The following CNGB3 variants were observed in gnomAD, a reference collection of about 807,000 sequenced individuals.
CNGB3 encodes the protein cyclic nucleotide gated channel subunit beta 3.
Under a neutral mutation model 92.8 loss-of-function variants are expected in CNGB3, and 86 were observed. The observed-to-expected ratio is 0.93, with a 90% confidence interval of 0.78 to 1.11. The LOEUF is 1.11. Among genes scored for constraint, CNGB3 ranks in the 50% least tolerant of loss-of-function variants. The pLI, the probability that CNGB3 is intolerant of heterozygous loss-of-function variation, is 0.00. For synonymous variants in CNGB3, 333 were observed against 332.7 expected (o/e 1.00, Z -0.01); for missense variants, 1,026 against 956.8 (o/e 1.07, Z -0.95).
At chr8:86,646,865 C>A (rs949915259) in intron 8 of CNGB3, among the ~76,000 whole-genome samples, 1 of 151,040 alleles carries the variant, frequency 6.6e-6, no homozygotes. Context: ...TGTCTTATAA[C>A]CATTTTGAAT....
chr8:86,683,221 T>C (rs532511694), intron 3 of CNGB3, among the ~76,000 whole-genome samples: 1 of 152,250 alleles, frequency 6.6e-6, no homozygotes, highest in African/African-American at 2.4e-5. Context: ...GAGAGTGCAG[T>C]GCATATAGTT....
chr8:86,636,181 C>T (rs1470065754), intron 10 of CNGB3, among the ~76,000 whole-genome samples: 2 of 151,894 alleles, frequency 1.3e-5, no homozygotes, highest in African/African-American at 4.8e-5. Context: ...TTCTAGACAG[C>T]CAGAAACTTT....
At position 86,671,039 on chromosome 8, in the gene CNGB3, T is replaced by G. The variant is rs753603630; in HGVS notation, c.398A>C (p.His133Pro). 4.3e-6 allele frequency: 7 copies of G among 1,613,830 alleles called. No individual in the cohort carries two copies. Among genetic ancestry groups the G allele is most frequent in the African/African-American group, 1.3e-5 (1 of 74,870 alleles). ...TTGACGCATTCTTTTCACCAGGTTG[T>G]GTAGCTGGGCATCGGCATACTCATT... Reference protein sequence around the residue: ...VINEYADAQLHNLVKRMRQRT... With the variant: ...VINEYADAQLPNLVKRMRQRT... The change falls in exon 4 of 18, where the codon CAC becomes CCC. Residue 133 changes from histidine to proline, a missense_variant. Transcript: ENST00000320005.
At chr8:86,587,381 C>T (rs1585949793) in intron 15 of CNGB3, among the ~76,000 whole-genome samples, 1 of 152,036 alleles carries the variant, frequency 6.6e-6, no homozygotes, top group Admixed American at 6.5e-5. Flanking sequence ...GTTGCCATTG[C>T]TTTTGGTGTT....
intron 14 of CNGB3, 68 bp downstream of exon 14, chr8:86,611,520 C>T: frequency 1.5e-6 from 2 of 1,300,238 alleles, no homozygotes; most frequent in Non-Finnish European, 2.2e-6. Context: ...AAACAATGTT[C>T]TTGACTTATG....
At chr8:86,642,799 TC>T (rs1419639054) in intron 10 of CNGB3, among the ~76,000 whole-genome samples, 1 of 151,636 alleles carries the variant, frequency 6.6e-6, no homozygotes, top group Non-Finnish European at 1.5e-5. Flanking sequence ...TTTCAAGTGA[TC>T]TTTTTTTATT....
intron 14 of CNGB3, among the ~76,000 whole-genome samples, chr8:86,607,042 G>C (rs1822425574): frequency 6.6e-6 from 1 of 152,234 alleles, no homozygotes; most frequent in South Asian, 2.1e-4. Context: ...TTTGCGTGAA[G>C]TAATTCTCAA....
chr8:86,697,910 C>T (rs369374740), intron 3 of CNGB3, among the ~76,000 whole-genome samples: 11 of 151,948 alleles, frequency 7.2e-5, no homozygotes, highest in South Asian at 2.1e-4. Flanking sequence ...TCTGTCCTTG[C>T]GATAGTTTGC....
Position 86,621,321 on chromosome 8 carries a change from TATA to T in CNGB3, c.1578+4659_1578+4661del, listed in dbSNP as rs781635448. 4.6e-5 allele frequency among the ~76,000 whole-genome samples: 7 copies of T among 152,316 alleles called. 1 individual carries two copies. On this transcript the variant is annotated intron_variant, in intron 13 of 17. Transcript: ENST00000320005. Reference sequence around the variant, plus strand: ...ACTTTCATACATTTCTGACCATACCTATAATAAGACATACATTTTCATTGTGCT... The same window carrying T: ...ACTTTCATACATTTCTGACCATACCTATAAGACATACATTTTCATTGTGCT...
intron 3 of CNGB3, among the ~76,000 whole-genome samples, chr8:86,673,047 G>T (rs915900371): frequency 3.3e-5 from 5 of 152,116 alleles, no homozygotes; most frequent in African/African-American, 9.7e-5. Flanking sequence ...CTTCTTAAAG[G>T]TGTGCTTAGA....
chr8:86,669,525 C>T (rs991496006), intron 4 of CNGB3, among the ~76,000 whole-genome samples: 2 of 152,176 alleles, frequency 1.3e-5, no homozygotes, highest in Admixed American at 1.3e-4. Flanking sequence ...TACATCATTC[C>T]ACAGGTTTTG....
rs77044748 is a variant in CNGB3 at position 86,606,554 on chromosome 8, C to T, written c.1663-2343G>A. 5.8e-4 allele frequency among the ~76,000 whole-genome samples: 88 copies of T among 152,302 alleles called. No individual in the cohort carries two copies. The East Asian group carries it at 0.017, about 29-fold the overall frequency. On this transcript the variant is annotated intron_variant, in intron 14 of 17. Transcript: ENST00000320005. ...ATTTACATACTATTAATGCTAATAACAATATCATGTCTTTGCATATTACTT... is the reference window on the plus strand; with the variant it reads ...ATTTACATACTATTAATGCTAATAATAATATCATGTCTTTGCATATTACTT...
At chr8:86,658,416 TG>T (rs1723963021) in intron 6 of CNGB3, 1 of 425,714 alleles carries the variant, frequency 2.3e-6, no homozygotes, top group Admixed American at 2.9e-5. Context: ...CTACTTCTGC[TG>T]GCTGGTAGCT....
intron 15 of CNGB3, among the ~76,000 whole-genome samples, chr8:86,602,671 A>G (rs1443746618): frequency 1.3e-5 from 2 of 152,204 alleles, no homozygotes; most frequent in Non-Finnish European, 1.5e-5. Context: ...TATTCATCAT[A>G]TGAGCCAGTA....
intron 3 of CNGB3, among the ~76,000 whole-genome samples, chr8:86,721,612 T>G (rs1387350342): frequency 2.6e-5 from 4 of 152,150 alleles, no homozygotes; most frequent in African/African-American, 9.7e-5. Flanking sequence ...AATGTTTAAT[T>G]ATAAAAGTAT....
At chr8:86,650,406 G>C (rs1406353625) in intron 7 of CNGB3, among the ~76,000 whole-genome samples, 1 of 150,948 alleles carries the variant, frequency 6.6e-6, no homozygotes, top group East Asian at 2.0e-4. Context: ...AAGGAAAAGA[G>C]TCATTATATG....
chr8:86,618,806 G>T (rs1204829479), intron 13 of CNGB3, among the ~76,000 whole-genome samples: 1 of 152,220 alleles, frequency 6.6e-6, no homozygotes, highest in Non-Finnish European at 1.5e-5. Context: ...GAGTAAATAT[G>T]TGATGACATA....
At position 86,709,790 on chromosome 8, in the gene CNGB3, T is replaced by A. The variant is rs115407112; in HGVS notation, c.338+16741A>T. On this transcript the variant is annotated intron_variant, in intron 3 of 17. Coordinates refer to ENST00000320005, the MANE Select transcript of CNGB3 (RefSeq NM_019098.5). ...TGAAAACAGCCATATTTGAAAAAAA[T>A]TCCTATATTTAAAACAAGAACAATA... Among the ~76,000 whole-genome samples, 1,403 of 152,086 alleles carry A rather than the reference T, an allele frequency of 9.2e-3. 26 individuals are homozygous for A. The highest frequency in any genetic ancestry group is 0.032 in the African/African-American group (1,326 of 41,458).
At chr8:86,691,688 T>C (rs1478395422) in intron 3 of CNGB3, among the ~76,000 whole-genome samples, 1 of 152,176 alleles carries the variant, frequency 6.6e-6, no homozygotes, top group Non-Finnish European at 1.5e-5. Flanking sequence ...GTGTTTTTGT[T>C]TCATTTCTCT....
Sources: gnomAD v4.1 joint callset for allele counts (sites outside exome capture counted in the v4.1 genomes callset) on GRCh38, gnomAD v4.1.1 for gene constraint, MANE v1.5 for transcripts, NCBI Gene and HGNC (gene_info 2026-07-23, HGNC 2026-07-21) for gene names.